The following ZNF586 variants were observed in gnomAD, a reference collection of about 807,000 sequenced individuals.
ZNF586 encodes the protein zinc finger protein 586.
ZNF586 carries 7 observed loss-of-function variants against 6.7 expected under a neutral mutation model. The ratio of observed to expected loss-of-function variants is 1.04; its 90% CI spans 0.59 to 1.95. The LOEUF (loss-of-function observed/expected upper bound fraction) is 1.95. Ranked by LOEUF, ZNF586 falls within the 30% of genes most tolerant of loss-of-function variation. The pLI is 0.00. For synonymous variants in ZNF586, 166 were observed against 168.7 expected, an observed-to-expected ratio of 0.98 and a Z score of 0.12; for missense variants, 442 against 489.6, an observed-to-expected ratio of 0.90 and a Z score of 0.92.
At chr19:57,774,529 TATAAATAAATAAATAAATAAATAA>T (rs71986625) in intron 1 of ZNF586, among the ~76,000 whole-genome samples, 4 of 146,708 alleles carry the variant, frequency 2.7e-5, no homozygotes, top group Admixed American at 6.9e-5. Flanking sequence ...ATCTCAAAAA[TATAAATAAATAAATAAATAAATAA>T]ATAAATAAAT....
chr19:57,778,665 T>A, intron 2 of ZNF586, 86 bp from the exon 3 acceptor site: 1 of 1,300,822 alleles, frequency 7.7e-7, no homozygotes, highest in South Asian at 1.5e-5. Context: ...CATAGACTAG[T>A]TTTTTGGTTT....
rs775301404 is a variant in ZNF586, at chr19:57,769,893, C to T, written c.36+15C>T. 5.2e-6 allele frequency: 8 copies of T among 1,534,572 alleles called. No individual in the cohort carries two copies. Among genetic ancestry groups the T allele is most frequent in the Middle Eastern group, 1.8e-4 (1 of 5,694 alleles). ...CGCCTGCTCAGGTGAGCGCTGCGAC[C>T]TCCGGGCCTTACCCACCCTACCCAC... On this transcript the variant is annotated intron_variant, in intron 1 of 2. Coordinates refer to ENST00000396154, the MANE Select transcript of ZNF586 (RefSeq NM_017652.4).
rs1310882871 is a variant in ZNF586, at chr19:57,779,584, A to C, written c.997A>C (p.Ile333Leu). 3 of 1,612,886 alleles carry C rather than the reference A, an allele frequency of 1.9e-6. No homozygotes were observed. Among genetic ancestry groups the C allele is most frequent in the African/African-American group, 2.7e-5 (2 of 74,440 alleles). Residue 333 changes from isoleucine (I) to leucine (L), a missense_variant, in exon 3 of 3, where the codon ATT (isoleucine) becomes CTT (leucine). Coordinates refer to ENST00000396154, the MANE Select transcript of ZNF586 (RefSeq NM_017652.4). ...ATCCTTTAGCCGAAAATCTAGCCTT[A>C]TTATACATCTGAGAGTTCACACTGG... Reference protein sequence around the residue: ...GKSFSRKSSLIIHLRVHTGER... With the variant: ...GKSFSRKSSLLIHLRVHTGER...
At chr19:57,773,375 G>A (rs1412238052) in intron 1 of ZNF586, among the ~76,000 whole-genome samples, 1 of 151,054 alleles carries the variant, frequency 6.6e-6, no homozygotes, top group Non-Finnish European at 1.5e-5. Flanking sequence ...TGGCCATGAA[G>A]GGAGGATACA....
In ZNF586 at chr19:57,779,550, G is replaced by A. The variant is rs760614288; in HGVS notation, c.963G>A (p.Gln321=). 2.3e-5 allele frequency: 37 copies of A among 1,613,312 alleles called. No individual in the cohort carries two copies. The South Asian group carries it at 3.8e-4, about 17-fold the overall frequency. The change falls in exon 3 of 3, where the codon CAG becomes CAA. Residue 321 remains glutamine (Q), a synonymous_variant. Coordinates refer to ENST00000396154, the MANE Select transcript of ZNF586 (RefSeq NM_017652.4). ...VHTGERHECG[Q]CGKSFSRKSS... is the part of the protein sequence containing the mutation. ...CTGGAGAAAGGCATGAGTGCGGGCAGTGTGGGAAATCCTTTAGCCGAAAAT... is the reference window on the plus strand; with the variant it reads ...CTGGAGAAAGGCATGAGTGCGGGCAATGTGGGAAATCCTTTAGCCGAAAAT...
chr19:57,772,501 T>TG (rs1428432992), intron 1 of ZNF586, among the ~76,000 whole-genome samples: 12 of 149,502 alleles, frequency 8.0e-5, no homozygotes, highest in Non-Finnish European at 1.6e-4. Context: ...CCCAGGATGT[T>TG]TTTTTTTTTT....
intron 1 of ZNF586, 112 bp downstream of exon 1, chr19:57,769,990 G>C: frequency 9.5e-7 from 1 of 1,049,310 alleles, no homozygotes; most frequent in Non-Finnish European, 1.3e-6. Flanking sequence ...TGTCAGGGAC[G>C]GAGAGGCGCC....
intron 1 of ZNF586, among the ~76,000 whole-genome samples, chr19:57,774,216 CAAAAAAAAAA>C (rs34864063): frequency 4.3e-5 from 3 of 68,984 alleles, no homozygotes; most frequent in Non-Finnish European, 2.7e-5. Flanking sequence ...AACTCCGTCT[CAAAAAAAAAA>C]AAAAAAAAAA....
In ZNF586 at chr19:57,779,538, T is replaced by C; in HGVS notation, c.951T>C (p.His317=). 1 of 1,613,914 alleles carries C rather than the reference T, an allele frequency of 6.2e-7. No individual in the cohort carries two copies. Among genetic ancestry groups the C allele is most frequent in the South Asian group, 1.1e-5 (1 of 91,070 alleles). ...AGCGAGTTCATACTGGAGAAAGGCA[T>C]GAGTGCGGGCAGTGTGGGAAATCCT... ...HHQRVHTGER[H]ECGQCGKSFS... Residue 317 remains histidine (H), a synonymous_variant, in exon 3 of 3, where the codon CAT becomes CAC. Transcript: ENST00000396154.
chr19:57,773,104 T>C (rs1461541193), intron 1 of ZNF586, among the ~76,000 whole-genome samples: 1 of 152,214 alleles, frequency 6.6e-6, no homozygotes, highest in Non-Finnish European at 1.5e-5. Flanking sequence ...TTCTGAAATG[T>C]ATTAGATACT....
chr19:57,769,972 C>T lies in ZNF586; in HGVS notation c.36+94C>T, dbSNP rs1024067348. ...GCCGCCTCCTCGCGTCCCTGCAGCC[C>T]AGGCCTCTGTCAGGGACGGAGAGGC... On this transcript the variant is annotated intron_variant, in intron 1 of 2. Coordinates refer to ENST00000396154, the MANE Select transcript of ZNF586 (RefSeq NM_017652.4). 3.3e-5 allele frequency: 40 copies of T among 1,219,506 alleles called. No homozygotes were observed. The African/African-American group carries it at 5.4e-4, about 16-fold the overall frequency. The allele number at this position is 1,219,506 out of a possible 1,614,324, so 75.5% of individuals were successfully genotyped here.
intron 2 of ZNF586, among the ~76,000 whole-genome samples, chr19:57,777,904 C>T (rs1381097620): frequency 6.9e-6 from 1 of 144,676 alleles, no homozygotes; most frequent in Non-Finnish European, 1.5e-5. Flanking sequence ...TACAGGGGCC[C>T]ACCACCACGC....
intron 1 of ZNF586, among the ~76,000 whole-genome samples, chr19:57,775,922 C>T (rs573692540): frequency 1.1e-4 from 16 of 152,296 alleles, no homozygotes; most frequent in African/African-American, 3.8e-4. Context: ...ATGCATAGTG[C>T]AACCCCCATG....
rs1444507765 is a variant in ZNF586, at chr19:57,769,842, C to T, written c.-1C>T. ...CCCGCGTTCCCCCCCCGCCCAGAGT[C>T]ATGGCGGCAGCAGCCGCTCTGAGGG... On this transcript the variant is annotated 5_prime_UTR_variant, in exon 1 of 3. Transcript: ENST00000396154. 4.5e-6 allele frequency: 7 copies of T among 1,543,648 alleles called. No individual in the cohort carries two copies. The highest frequency in any genetic ancestry group is 6.1e-6 in the Non-Finnish European group (7 of 1,145,674).
rs1222471628 is a variant in ZNF586, at chr19:57,778,830, T to G, written c.243T>G (p.Gly81=). Residue 81 remains glycine, a synonymous_variant, in exon 3 of 3, where the codon GGT becomes GGG. Coordinates refer to ENST00000396154, the MANE Select transcript of ZNF586 (RefSeq NM_017652.4). ...TCIHIYKDQG[G]HSGERPYECG... ...TACATATATACAAAGACCAGGGAGG[T>G]CATAGTGGAGAAAGGCCTTATGAGT... 6.2e-7 allele frequency: 1 copy of G among 1,613,896 alleles called. No homozygotes were observed. The highest frequency in any genetic ancestry group is 1.3e-5 in the African/African-American group (1 of 74,960).
chr19:57,772,935 G>A (rs1423795007), intron 1 of ZNF586, among the ~76,000 whole-genome samples: 2 of 152,030 alleles, frequency 1.3e-5, no homozygotes, highest in African/African-American at 4.8e-5. Context: ...TCCCTGACCG[G>A]TCTCCATTCT....
Position 57,776,702 on chromosome 19 carries a change from T to C in ZNF586, c.163+33T>C, listed in dbSNP as rs185388076. On this transcript the variant is annotated intron_variant, in intron 2 of 2. Transcript: ENST00000396154. ...ACTCATATTCACCTGTGACCTGAGT[T>C]AGTCTGTGCCCCTCACCTTTATGCC... 120 of 1,566,232 alleles carry C rather than the reference T, an allele frequency of 7.7e-5. No homozygotes were observed. In the African/African-American group the frequency reaches 1.5e-3, roughly 20 times the overall value.
Position 57,779,208 on chromosome 19 carries a change from A to G in ZNF586, c.621A>G (p.Glu207=). 1 of 1,614,066 alleles carries G rather than the reference A, an allele frequency of 6.2e-7. No individual in the cohort carries two copies. Among genetic ancestry groups the G allele is most frequent in the African/African-American group, 1.3e-5 (1 of 74,984 alleles). ...TTCACTCTGGAGCAAAGCGTTATGA[A>G]TGCAATGAATGTGGGAAGTCCTTTG... The part of the protein sequence containing the change: ...RKVHSGAKRY[E]CNECGKSFAY... Residue 207 remains glutamate (E), a synonymous_variant, in exon 3 of 3, where the codon GAA becomes GAG. Coordinates refer to ENST00000396154, the MANE Select transcript of ZNF586 (RefSeq NM_017652.4).
chr19:57,772,512 T>TA (rs1555766592), intron 1 of ZNF586, among the ~76,000 whole-genome samples: 19 of 151,780 alleles, frequency 1.3e-4, no homozygotes, highest in African/African-American at 4.4e-4. Context: ...TTTTTTTTTT[T>TA]ACCTGTCCTT....
Sources: allele counts gnomAD v4.1 joint callset (sites outside exome capture counted in the v4.1 genomes callset), GRCh38; gene constraint gnomAD v4.1.1; transcripts MANE v1.5; gene names NCBI Gene and HGNC (gene_info 2026-07-23, HGNC 2026-07-21).